SPECC1: variants seen among roughly 807,000 people sequenced by gnomAD.
SPECC1 encodes the protein sperm antigen with calponin homology and coiled-coil domains 1.
SPECC1 carries 62 observed loss-of-function variants against 104.1 expected under a neutral mutation model. That is an observed-to-expected ratio of 0.60 (90% CI 0.49 to 0.74). The LOEUF is 0.74. Among genes scored for constraint, SPECC1 ranks in the 30% least tolerant of loss-of-function variants. SPECC1 has a pLI of 0.00. For missense variants in SPECC1, 1,306 were observed against 1,310.5 expected (o/e 1.00, Z 0.05); for synonymous variants, 513 against 501.6 (o/e 1.02, Z -0.30).
intron 2 of SPECC1, 145 bp downstream of exon 2, chr17:20,096,943 G>A: frequency 9.5e-7 from 1 of 1,055,140 alleles, no homozygotes; most frequent in Non-Finnish European, 1.4e-6. Flanking sequence ...CAGCATGCCT[G>A]GACATGAAGG....
intron 3 of SPECC1, among the ~76,000 whole-genome samples, chr17:20,154,785 G>A (rs1408260866): frequency 2.6e-5 from 4 of 152,272 alleles, no homozygotes; most frequent in Middle Eastern, 3.4e-3. Context: ...AGATGACAGC[G>A]GCTTGGATCG....
At chr17:20,112,009 G>A in intron 3 of SPECC1, 2 of 776,248 alleles carry the variant, frequency 2.6e-6, no homozygotes, top group Admixed American at 1.7e-5. Context: ...ATGATGTTTT[G>A]TTTGTGTGTG....
In SPECC1 at chr17:20,315,431, G is replaced by T. The variant is rs554122767; in HGVS notation, c.*1366G>T. On this transcript the variant is annotated 3_prime_UTR_variant, in exon 15 of 15. Transcript: ENST00000395527. ...TCTGGTGGCTCTGCCGTGTTCTTCT[G>T]GGCGGATCTGTGTGCACTACACAGC... The T allele has an allele frequency of 1.2e-4, 29 of 232,828 alleles. No homozygotes were observed. Among genetic ancestry groups the T allele is most frequent in the Admixed American group, 1.0e-3 (18 of 17,768 alleles). The allele number at this position is 232,828 out of a possible 1,614,324, so 14.4% of individuals were successfully genotyped here. A position where few individuals can be genotyped will look rare whatever the true frequency, so the allele number is the denominator to read the frequency against.
chr17:20,239,592 TA>T (rs1422188791), intron 7 of SPECC1, among the ~76,000 whole-genome samples: 1 of 152,194 alleles, frequency 6.6e-6, no homozygotes, highest in African/African-American at 2.4e-5. Context: ...ATTTTTTTTT[TA>T]TGAGTAATGC....
Position 20,204,455 on chromosome 17 carries a change from A to C in SPECC1, c.406A>C (p.Thr136Pro). ...SNPRKSVSSP[T>P]SSNTPTPTKH... is the part of the protein sequence containing the mutation. ...CCCCAGGAAATCAGTGTCCAGTCCAACTTCTTCCAACACTCCCACTCCTAC... is the reference window on the plus strand; with the variant it reads ...CCCCAGGAAATCAGTGTCCAGTCCACCTTCTTCCAACACTCCCACTCCTAC... The change falls in exon 4 of 15, where the codon ACT becomes CCT. Residue 136 changes from threonine to proline, a missense_variant. Transcript: ENST00000395527. 1 of 1,614,048 alleles carries C rather than the reference A, an allele frequency of 6.2e-7. No individual in the cohort carries two copies. Among genetic ancestry groups the C allele is most frequent in the Non-Finnish European group, 8.5e-7 (1 of 1,180,012 alleles).
intron 13 of SPECC1, among the ~76,000 whole-genome samples, chr17:20,297,395 A>G (rs958364473): frequency 6.6e-6 from 1 of 152,272 alleles, no homozygotes; most frequent in South Asian, 2.1e-4. Flanking sequence ...TGTATATTGC[A>G]TCACATTTTC....
At chr17:20,290,559 G>A (rs944635996) in intron 12 of SPECC1, among the ~76,000 whole-genome samples, 2 of 152,018 alleles carry the variant, frequency 1.3e-5, no homozygotes, top group Non-Finnish European at 2.9e-5. Flanking sequence ...CTGTTGCCCT[G>A]GCTGGAGTGT....
chr17:20,194,507 T>TTTTTTTTTTTTTTTTTA (rs2035891466), intron 3 of SPECC1, among the ~76,000 whole-genome samples: 3 of 121,564 alleles, frequency 2.5e-5, no homozygotes, highest in Non-Finnish European at 5.0e-5. Context: ...AACGAATTTT[T>TTTTTTTTTTTTTTTTTA]TTTTTTTTTT....
chr17:20,199,925 G>A (rs2036301152), intron 3 of SPECC1, among the ~76,000 whole-genome samples: 2 of 152,136 alleles, frequency 1.3e-5, no homozygotes, highest in South Asian at 4.2e-4. Context: ...GAGTAGCTGG[G>A]ACTACAGGCG....
intron 3 of SPECC1, among the ~76,000 whole-genome samples, chr17:20,179,605 C>CA (rs942176351): frequency 5.9e-5 from 9 of 152,172 alleles, no homozygotes; most frequent in Admixed American, 5.9e-4. Flanking sequence ...GAAAGAATGT[C>CA]AGAGATCAAG....
intron 3 of SPECC1, among the ~76,000 whole-genome samples, chr17:20,145,173 C>T (rs944571680): frequency 2.0e-5 from 3 of 152,172 alleles, no homozygotes; most frequent in Non-Finnish European, 2.9e-5. Flanking sequence ...AGAACGAGTG[C>T]TTCAGTGGCA....
In SPECC1 at chr17:20,205,165, C is replaced by T. The variant is rs2036693521; in HGVS notation, c.1116C>T (p.Ser372=). 1.9e-6 allele frequency: 3 copies of T among 1,614,050 alleles called. No homozygotes were observed. Among genetic ancestry groups the T allele is most frequent in the Non-Finnish European group, 1.7e-6 (2 of 1,180,026 alleles). Residue 372 remains serine (S), a synonymous_variant, in exon 4 of 15, where the codon TCC becomes TCT. Transcript: ENST00000395527. The part of the protein sequence containing the change: ...PNSVSELSLA[S]LTEKIQKMEE... ...GCGTAAGTGAATTGTCCCTGGCTTC[C>T]CTCACAGAGAAGATACAAAAGATGG...
chr17:20,145,422 G>A (rs1469215325), intron 3 of SPECC1, among the ~76,000 whole-genome samples: 1 of 152,196 alleles, frequency 6.6e-6, no homozygotes, highest in African/African-American at 2.4e-5. Flanking sequence ...GCCAAAAAGG[G>A]TGCAGGTTCT....
intron 9 of SPECC1, among the ~76,000 whole-genome samples, chr17:20,248,615 G>C (rs980965677): frequency 6.6e-6 from 1 of 152,130 alleles, no homozygotes; most frequent in Non-Finnish European, 1.5e-5. Context: ...TACTTTATCA[G>C]TAAGGTGGAG....
chr17:20,160,057 TA>T (rs1262805479), intron 3 of SPECC1, among the ~76,000 whole-genome samples: 2 of 152,238 alleles, frequency 1.3e-5, no homozygotes, highest in Non-Finnish European at 2.9e-5. Flanking sequence ...ACCAGCTTAT[TA>T]TTTGTTTTAA....
chr17:20,096,018 T>C (rs554958644), intron 1 of SPECC1: 1 of 152,366 alleles, frequency 6.6e-6, no homozygotes, highest in African/African-American at 2.4e-5. Flanking sequence ...TCCCCTGATG[T>C]CTTCAGCTGT....
Position 20,253,530 on chromosome 17 carries a change from G to T in SPECC1, c.2624G>T (p.Arg875Leu), listed in dbSNP as rs758717249. 6.2e-7 allele frequency: 1 copy of T among 1,613,962 alleles called. No individual in the cohort carries two copies. Among genetic ancestry groups the T allele is most frequent in the South Asian group, 1.1e-5 (1 of 91,064 alleles). ...AGGCATTCGACTTACAGCAGTGTGC[G>T]GCCAGCCAGCAGAGGGGTGACTCAA... ...MQRHSTYSSV[R>L]PASRGVTQRL... Residue 875 changes from arginine to leucine, a missense_variant, in exon 10 of 15, where the codon CGG becomes CTG. Physicochemically the swap from Arg to Leu is moderately radical, Grantham distance 102. Coordinates refer to ENST00000395527, the MANE Select transcript of SPECC1 (RefSeq NM_001243439.2).
intron 6 of SPECC1, 123 bp from the exon 7 acceptor site, chr17:20,232,077 C>A: frequency 8.6e-7 from 1 of 1,157,444 alleles, no homozygotes; most frequent in Non-Finnish European, 1.3e-6. Flanking sequence ...ACCGTGTAAG[C>A]AGGGCCTCAC....
chr17:20,269,467 C>A (rs1178458454), intron 12 of SPECC1, among the ~76,000 whole-genome samples: 1 of 152,154 alleles, frequency 6.6e-6, no homozygotes, highest in African/African-American at 2.4e-5. Flanking sequence ...GTCTTGTTGC[C>A]CAGGCTGGAG....
Sources: allele counts gnomAD v4.1 joint callset (sites outside exome capture counted in the v4.1 genomes callset), GRCh38; gene constraint gnomAD v4.1.1; transcripts MANE v1.5; gene names NCBI Gene and HGNC (gene_info 2026-07-23, HGNC 2026-07-21).